The following DNAH5 variants were observed in gnomAD, a reference collection of about 807,000 sequenced individuals.
The protein encoded by DNAH5 is dynein axonemal heavy chain 5.
Under a neutral mutation model 518.2 loss-of-function variants are expected in DNAH5, and 372 were observed. That is an observed-to-expected ratio of 0.72 (90% CI 0.66 to 0.78). The LOEUF (loss-of-function observed/expected upper bound fraction) is 0.78, where lower values mean the gene tolerates loss of function less well. Ranked by LOEUF, DNAH5 falls within the 30% of genes least tolerant of loss-of-function variation. The pLI, the probability that DNAH5 is intolerant of heterozygous loss-of-function variation, is 0.00. For synonymous variants in DNAH5, 2,039 were observed against 2,025.9 expected (o/e 1.01, Z -0.17); for missense variants, 5,523 against 5,687.0 (o/e 0.97, Z 0.93).
At chr5:13,901,787 T>G (rs1169383092) in intron 13 of DNAH5, among the ~76,000 whole-genome samples, 2 of 152,176 alleles carry the variant, frequency 1.3e-5, no homozygotes, top group African/African-American at 4.8e-5. Flanking sequence ...ATTTTTCAAA[T>G]TATCTATACA....
chr5:13,718,111 A>G (rs1445124356), intron 72 of DNAH5, among the ~76,000 whole-genome samples: 1 of 152,100 alleles, frequency 6.6e-6, no homozygotes, highest in Non-Finnish European at 1.5e-5. Context: ...CCTTGTTAGC[A>G]ACTCCCCAAA....
At chr5:13,743,267 G>C (rs539207889) in intron 65 of DNAH5, among the ~76,000 whole-genome samples, 56 of 152,068 alleles carry the variant, frequency 3.7e-4, no homozygotes, top group African/African-American at 9.4e-4. Flanking sequence ...AAATTCTAAG[G>C]CTACAATGTA....
chr5:13,781,426 G>A (rs1910091), intron 52 of DNAH5, among the ~76,000 whole-genome samples: 46,850 of 151,904 alleles, frequency 0.31, 7,757 homozygotes, highest in South Asian at 0.44. Context: ...TTGAAGGGAA[G>A]AAAAACCCCC....
chr5:13,911,517 GATA>G (rs1162136573), intron 11 of DNAH5, 24 bp from the exon 12 acceptor site: 1 of 1,543,588 alleles, frequency 6.5e-7, no homozygotes, highest in East Asian at 2.3e-5. Context: ...AGATAAATTA[GATA>G]ATATTTCAAT....
intron 11 of DNAH5, among the ~76,000 whole-genome samples, chr5:13,912,426 T>C (rs1326237612): frequency 6.6e-6 from 1 of 151,574 alleles, no homozygotes; most frequent in African/African-American, 2.4e-5. Context: ...TGTATATATA[T>C]ATATACTTTT....
chr5:13,841,918 C>CAAAAAAAAAAAAAAAAAAAAAACA lies in DNAH5; in HGVS notation c.5272-15_5272-14insTGTTTTTTTTTTTTTTTTTTTTTT. ...TCGATCATAGATCTATGTTAGAAACCAAAAAAAAAAAAAAAAAAAGCTATA... is the reference window on the plus strand; with the variant it reads ...TCGATCATAGATCTATGTTAGAAACCAAAAAAAAAAAAAAAAAAAAAACAAAAAAAAAAAAAAAAAAAAGCTATA... On this transcript the variant is annotated splice_polypyrimidine_tract_variant and intron_variant, in intron 32 of 78. Coordinates refer to ENST00000265104, the MANE Select transcript of DNAH5 (RefSeq NM_001369.3). 1.7e-6 allele frequency: 1 copy of CAAAAAAAAAAAAAAAAAAAAAACA among 591,132 alleles called. No individual in the cohort carries two copies. Among genetic ancestry groups the CAAAAAAAAAAAAAAAAAAAAAACA allele is most frequent in the Non-Finnish European group, 2.7e-6 (1 of 370,186 alleles). 36.6% of individuals were successfully genotyped at this position (591,132 alleles called of 1,614,324 possible).
intron 12 of DNAH5, among the ~76,000 whole-genome samples, chr5:13,909,005 A>C (rs1775676229): frequency 6.6e-6 from 1 of 152,238 alleles, no homozygotes; most frequent in African/African-American, 2.4e-5. Context: ...GTTAAGAGAA[A>C]GAGAATGGAC....
At chr5:13,978,532 C>A (rs1782442590) in intron 1 of DNAH5, among the ~76,000 whole-genome samples, 1 of 152,124 alleles carries the variant, frequency 6.6e-6, no homozygotes, top group Non-Finnish European at 1.5e-5. Flanking sequence ...AGTCACATAC[C>A]ACATAACGAC....
intron 32 of DNAH5, among the ~76,000 whole-genome samples, chr5:13,842,429 A>AAGAGAGAGAGAGAGAGAGAG (rs1464737735): frequency 9.0e-5 from 5 of 55,600 alleles, no homozygotes; most frequent in African/African-American, 3.8e-4. Flanking sequence ...AAAGAAAAGA[A>AAGAGAGAGAGAGAGAGAGAG]AGAAAGAAAG....
At position 13,754,323 on chromosome 5, in the gene DNAH5, C is replaced by T. The variant is rs143295106; in HGVS notation, c.10435G>A (p.Ala3479Thr). 4.3e-5 allele frequency: 69 copies of T among 1,614,058 alleles called. No homozygotes were observed. The African/African-American group carries it at 8.9e-4, about 21-fold the overall frequency. ...MTEKQTLLEDAERCRHKMQTA... is the reference protein window; with the variant it reads ...MTEKQTLLEDTERCRHKMQTA... The stretch of plus-strand genomic sequence containing the variant: ...TGCATCTTGTGTCTGCATCGCTCTG[C>T]ATCTTCAAGCAAGGTCTAACAAAGG... The change falls in exon 62 of 79, where the codon GCA (alanine) becomes ACA (threonine). Residue 3479 changes from alanine to threonine, a missense_variant. Physicochemically the swap from Ala to Thr is moderately conservative, Grantham distance 58. Transcript: ENST00000265104.
intron 59 of DNAH5, 29 bp downstream of exon 59, chr5:13,765,947 T>C: frequency 6.2e-7 from 1 of 1,606,912 alleles, no homozygotes; most frequent in Non-Finnish European, 8.5e-7. Context: ...ATGAGTTCCC[T>C]CTTAGCCCAT....
Position 13,917,177 on chromosome 5 carries a change from T to G in DNAH5, c.1055A>C (p.Glu352Ala). 1 of 1,614,004 alleles carries G rather than the reference T, an allele frequency of 6.2e-7. No individual in the cohort carries two copies. The highest frequency in any genetic ancestry group is 8.5e-7 in the Non-Finnish European group (1 of 1,179,934). Residue 352 changes from glutamate (E) to alanine (A), a missense_variant, in exon 8 of 79, where the codon GAA (glutamate) becomes GCA (alanine). Coordinates refer to ENST00000265104, the MANE Select transcript of DNAH5 (RefSeq NM_001369.3). The stretch of plus-strand genomic sequence containing the variant: ...GCTGTACAAAGGGTCACAACATTTT[T>G]CAAGTGTATACAAGTATTTCACATT... ...KDNVKYLYTL[E>A]KCCDPLYSSD... is the part of the protein sequence containing the mutation.
chr5:13,822,114 G>A (rs1762310284), intron 40 of DNAH5, among the ~76,000 whole-genome samples: 1 of 151,796 alleles, frequency 6.6e-6, no homozygotes, highest in African/African-American at 2.4e-5. Context: ...GTTAAAATTA[G>A]CCAAAAGATG....
rs753221293 is a variant in DNAH5, at chr5:13,786,275, C to T, written c.8724G>A (p.Glu2908=). The T allele has an allele frequency of 1.9e-6, 3 of 1,614,060 alleles. No individual in the cohort carries two copies. The highest frequency in any genetic ancestry group is 2.5e-6 in the Non-Finnish European group (3 of 1,179,992). ...AGAGCTGCAGGAACATATTCAGACG[C>T]TCTTTTAGGTGACTAAAAGATTCAA... ...EPIESFSHLK[E]RLNMFLQLYN... The change falls in exon 52 of 79, where the codon GAG becomes GAA. Residue 2908 remains glutamate, a synonymous_variant. Transcript: ENST00000265104.
intron 29 of DNAH5, among the ~76,000 whole-genome samples, chr5:13,861,064 A>C (rs1232216110): frequency 1.3e-5 from 2 of 152,198 alleles, no homozygotes; most frequent in Admixed American, 1.3e-4. Context: ...CACATAGTAA[A>C]GGTTCAATAA....
rs77171541 is a variant in DNAH5, at chr5:13,842,423, AAAAGAAAGAAAGAAAGAAAG to A, written c.5272-539_5272-520del. ...AACAGAGCGAGAAAGAAAAGAAAAG[AAAAGAAAGAAAGAAAGAAAG>A]AAAGAAAGAAAGAAAGAAAGAAAGA... is the stretch of plus-strand genomic sequence containing the variant. On this transcript the variant is annotated intron_variant, in intron 32 of 78. Transcript: ENST00000265104. Among the ~76,000 whole-genome samples, 401 of 75,960 alleles carry A rather than the reference AAAAGAAAGAAAGAAAGAAAG, an allele frequency of 5.3e-3. 15 individuals carry two copies. Among genetic ancestry groups the A allele is most frequent in the East Asian group, 0.013 (25 of 1,900 alleles). The allele number at this position is 75,960 out of a possible 152,430, so 49.8% of individuals were successfully genotyped here.
At chr5:13,910,985 C>T (rs925667327) in intron 12 of DNAH5, among the ~76,000 whole-genome samples, 1 of 152,214 alleles carries the variant, frequency 6.6e-6, no homozygotes, top group African/African-American at 2.4e-5. Context: ...AGGCCAGTGG[C>T]AGCCCTGCCT....
chr5:13,700,609 G>A lies in DNAH5; in HGVS notation c.13723+31C>T, dbSNP rs79782251. 7,247 of 1,575,050 alleles carry A rather than the reference G, an allele frequency of 4.6e-3. 284 individuals carry two copies. In the African/African-American group the frequency reaches 0.085, roughly 18 times the overall value. On this transcript the variant is annotated intron_variant, in intron 78 of 78. Coordinates refer to ENST00000265104, the MANE Select transcript of DNAH5 (RefSeq NM_001369.3). ...ATAATGTCATCCAAACGAACAATGC[G>A]AGCCCTTACTGAAGGTACAAGACAA...
At chr5:13,810,422 C>G (rs1224407962) in intron 44 of DNAH5, 162 bp from the exon 45 acceptor site, 1 of 701,154 alleles carries the variant, frequency 1.4e-6, no homozygotes, top group East Asian at 2.7e-5. Flanking sequence ...GAACTGATCT[C>G]TGAGAATAGC....
Sources: gnomAD v4.1 joint callset for allele counts (sites outside exome capture counted in the v4.1 genomes callset) on GRCh38, gnomAD v4.1.1 for gene constraint, MANE v1.5 for transcripts, NCBI Gene and HGNC (gene_info 2026-07-23, HGNC 2026-07-21) for gene names.